Variants in UNC5D observed in about 807,000 individuals in gnomAD.
The protein encoded by UNC5D is netrin receptor UNC5D.
Under a neutral mutation model 105.4 loss-of-function variants are expected in UNC5D, and 39 were observed. The ratio of observed to expected loss-of-function variants is 0.37; its 90% CI spans 0.29 to 0.48. The LOEUF is 0.48. UNC5D is among the 20% of genes least tolerant of loss of function. UNC5D has a pLI of 0.98. For synonymous variants in UNC5D, 452 were observed against 450.4 expected (o/e 1.00, Z -0.04); for missense variants, 991 against 1,202.4 (o/e 0.82, Z 2.60).
At chr8:35,393,870 G>A (rs1402838758) in intron 1 of UNC5D, among the ~76,000 whole-genome samples, 1 of 152,120 alleles carries the variant, frequency 6.6e-6, no homozygotes, top group Non-Finnish European at 1.5e-5. Context: ...GATCATTTTA[G>A]TTTTACACTT....
At chr8:35,501,944 G>A (rs930909965) in intron 1 of UNC5D, among the ~76,000 whole-genome samples, 1 of 152,154 alleles carries the variant, frequency 6.6e-6, no homozygotes, top group Admixed American at 6.5e-5. Flanking sequence ...GTGATAACTT[G>A]CCCTCCGCTT....
At chr8:35,750,906 G>C in intron 13 of UNC5D, 97 bp downstream of exon 13, 1 of 1,456,156 alleles carries the variant, frequency 6.9e-7, no homozygotes, top group African/African-American at 1.4e-5. Context: ...TGAGGGTCTA[G>C]AAAATGAACC....
intron 15 of UNC5D, 59 bp from the exon 16 acceptor site, chr8:35,774,240 G>C (rs1341064373): frequency 1.3e-6 from 2 of 1,586,264 alleles, no homozygotes; most frequent in Admixed American, 1.7e-5. Flanking sequence ...AAAAATGAAA[G>C]TGTTGGTCAG....
In UNC5D at chr8:35,282,196, C is replaced by T. The variant is rs183175539; in HGVS notation, c.103+46309C>T. Among the ~76,000 whole-genome samples the T allele has an allele frequency of 2.4e-3, 358 of 152,328 alleles. 6 individuals carry two copies. In the Middle Eastern group the frequency reaches 0.031, roughly 13 times the overall value. The stretch of plus-strand genomic sequence containing the variant: ...TGAAACAGCAGCCACTCTCTGAATA[C>T]TGCTGTTGATGGCACCATAGCATCG... On this transcript the variant is annotated intron_variant, in intron 1 of 16. Coordinates refer to ENST00000404895, the MANE Select transcript of UNC5D (RefSeq NM_080872.4).
intron 1 of UNC5D, among the ~76,000 whole-genome samples, chr8:35,389,737 T>TA (rs1563369789): frequency 1.8e-5 from 1 of 54,822 alleles, no homozygotes; most frequent in Non-Finnish European, 3.4e-5. Flanking sequence ...TCTGGCTGAT[T>TA]TAAAAAAAAA....
intron 1 of UNC5D, among the ~76,000 whole-genome samples, chr8:35,430,573 T>C (rs1371237068): frequency 3.3e-5 from 5 of 152,084 alleles, no homozygotes; most frequent in Non-Finnish European, 7.4e-5. Context: ...GGCAGTCTTA[T>C]GGGACTGAGT....
intron 1 of UNC5D, among the ~76,000 whole-genome samples, chr8:35,464,551 T>A (rs1220361523): frequency 1.3e-5 from 2 of 152,192 alleles, no homozygotes; most frequent in Non-Finnish European, 2.9e-5. Flanking sequence ...AGCTTTCATT[T>A]TTCACTAGTT....
intron 3 of UNC5D, among the ~76,000 whole-genome samples, chr8:35,576,881 A>G (rs13248832): frequency 0.13 from 19,430 of 152,128 alleles, 1,589 homozygotes; most frequent in East Asian, 0.26. Flanking sequence ...CCAAAGTGCT[A>G]GGATTACAGG....
intron 3 of UNC5D, among the ~76,000 whole-genome samples, chr8:35,586,119 C>T (rs937864217): frequency 6.6e-6 from 1 of 151,936 alleles, no homozygotes; most frequent in African/African-American, 2.4e-5. Flanking sequence ...ACTAAAAATA[C>T]AAAAATTATC....
At chr8:35,675,561 A>C (rs536447145) in intron 4 of UNC5D, among the ~76,000 whole-genome samples, 1 of 152,232 alleles carries the variant, frequency 6.6e-6, no homozygotes, top group South Asian at 2.1e-4. Flanking sequence ...ACCAAATCCC[A>C]AGAGAGAGGG....
intron 1 of UNC5D, among the ~76,000 whole-genome samples, chr8:35,284,393 T>G (rs1010964269): frequency 4.6e-5 from 7 of 152,222 alleles, no homozygotes; most frequent in African/African-American, 1.7e-4. Context: ...CTCCTAGCAC[T>G]ATCCATCTAA....
chr8:35,750,878 A>G, intron 13 of UNC5D, 69 bp downstream of exon 13: 1 of 1,585,412 alleles, frequency 6.3e-7, no homozygotes. Context: ...GATCAGTATC[A>G]ATTGAAAATT....
In UNC5D at chr8:35,449,413, G is replaced by A. The variant is rs573797783; in HGVS notation, c.104-99879G>A. ...ATGAAGATGTCAGCTCATTCAGGAA[G>A]CATTTCTTGGGTCTCAGTCTTCCCC... On this transcript the variant is annotated intron_variant, in intron 1 of 16. Coordinates refer to ENST00000404895, the MANE Select transcript of UNC5D (RefSeq NM_080872.4). Among the ~76,000 whole-genome samples, 3 of 152,224 alleles carry A rather than the reference G, an allele frequency of 2.0e-5. No homozygotes were observed. In the South Asian group the frequency reaches 6.2e-4, roughly 32 times the overall value.
intron 1 of UNC5D, among the ~76,000 whole-genome samples, chr8:35,291,224 G>T (rs888510195): frequency 1.3e-5 from 2 of 152,124 alleles, no homozygotes; most frequent in African/African-American, 4.8e-5. Flanking sequence ...TACTAGTAAG[G>T]AAACAAACTG....
chr8:35,630,425 C>A (rs1423833492), intron 4 of UNC5D, among the ~76,000 whole-genome samples: 1 of 152,136 alleles, frequency 6.6e-6, no homozygotes, highest in Non-Finnish European at 1.5e-5. Flanking sequence ...TCTAACATTG[C>A]CTGAGTTGTC....
intron 3 of UNC5D, among the ~76,000 whole-genome samples, chr8:35,591,306 TA>T (rs1423267441): frequency 6.6e-6 from 1 of 152,116 alleles, no homozygotes; most frequent in Non-Finnish European, 1.5e-5. Flanking sequence ...CTCTGATACA[TA>T]AAAAATATAG....
At chr8:35,395,751 A>G (rs1273129529) in intron 1 of UNC5D, among the ~76,000 whole-genome samples, 1 of 152,158 alleles carries the variant, frequency 6.6e-6, no homozygotes, top group Non-Finnish European at 1.5e-5. Context: ...CAGCACAAAA[A>G]TCTGCAGGCA....
chr8:35,387,318 G>A (rs1314932671), intron 1 of UNC5D, among the ~76,000 whole-genome samples: 2 of 141,544 alleles, frequency 1.4e-5, no homozygotes, highest in Non-Finnish European at 3.0e-5. Flanking sequence ...AGTAGAGATC[G>A]CGCCACTGCA....
At chr8:35,774,931 A>G (rs1236810076) in intron 16 of UNC5D, among the ~76,000 whole-genome samples, 2 of 151,804 alleles carry the variant, frequency 1.3e-5, no homozygotes, top group East Asian at 1.9e-4. Flanking sequence ...TCCTCCAAAA[A>G]AAAAAAAAAA....
Sources: gnomAD v4.1 joint callset for allele counts (sites outside exome capture counted in the v4.1 genomes callset) on GRCh38, gnomAD v4.1.1 for gene constraint, MANE v1.5 for transcripts, NCBI Gene and HGNC (gene_info 2026-07-23, HGNC 2026-07-21) for gene names.